Variants in FRMPD4 observed in about 807,000 individuals in gnomAD.
FRMPD4 encodes FERM and PDZ domain containing 4.
FRMPD4 carries 22 observed loss-of-function variants against 94.1 expected under a neutral mutation model. The observed-to-expected ratio is 0.23, with a 90% CI of 0.17 to 0.33. The LOEUF (loss-of-function observed/expected upper bound fraction) is 0.33, where lower values mean the gene tolerates loss of function less well. FRMPD4 is among the 10% of genes least tolerant of loss of function. FRMPD4 has a pLI of 1.00. For missense variants in FRMPD4, 1,111 were observed against 1,339.9 expected, an observed-to-expected ratio of 0.83 and a Z score of 2.67; for synonymous variants, 631 against 548.6, an observed-to-expected ratio of 1.15 and a Z score of -2.10.
intron 3 of FRMPD4, among the ~76,000 whole-genome samples, chrX:11,899,981 C>A (rs936984683): frequency 3.6e-5 from 4 of 111,861 alleles, no homozygotes; most frequent in African/African-American, 6.5e-5. Context: ...CACAGTTGAC[C>A]TTTTTTCCAC....
chrX:12,462,574 A>G (rs752678631), intron 1 of FRMPD4, among the ~76,000 whole-genome samples: 1 of 112,155 alleles, frequency 8.9e-6, no homozygotes, highest in East Asian at 2.8e-4. Context: ...CCCACTTTCC[A>G]TATTCCCATC....
At chrX:12,071,635 T>TA (rs1159317436) in intron 3 of FRMPD4, among the ~76,000 whole-genome samples, 1 of 111,643 alleles carries the variant, frequency 9.0e-6, no homozygotes, top group Non-Finnish European at 1.9e-5. Flanking sequence ...CCAAGACTCT[T>TA]ACACTAATGC....
intron 3 of FRMPD4, among the ~76,000 whole-genome samples, chrX:12,109,696 G>A (rs1458226897): frequency 9.0e-6 from 1 of 111,268 alleles, no homozygotes. Context: ...TAAGAAAAGA[G>A]GGGAGAATCA....
At chrX:12,350,838 G>C (rs1162240175) in intron 1 of FRMPD4, among the ~76,000 whole-genome samples, 1 of 112,356 alleles carries the variant, frequency 8.9e-6, no homozygotes, top group Non-Finnish European at 1.9e-5. Flanking sequence ...GTAGAGGATG[G>C]CAAGAAATAA....
At chrX:12,544,496 G>A (rs61522124) in intron 2 of FRMPD4, among the ~76,000 whole-genome samples, 5,244 of 111,481 alleles carry the variant, frequency 0.047, 343 homozygotes, top group African/African-American at 0.16. Context: ...GGTTATTTCT[G>A]TTCTCATTTT....
chrX:12,091,775 A>G (rs1388059579), intron 3 of FRMPD4, among the ~76,000 whole-genome samples: 1 of 111,736 alleles, frequency 8.9e-6, no homozygotes, highest in Non-Finnish European at 1.9e-5. Flanking sequence ...TATGCAGGGT[A>G]TCCCCACAGT....
At position 12,102,301 on chromosome X, in the gene FRMPD4, A is replaced by G. The variant is rs765413210; in HGVS notation, c.95+224283A>G. Among the ~76,000 whole-genome samples, 3 of 112,104 alleles carry G rather than the reference A, an allele frequency of 2.7e-5. No individual in the cohort carries two copies. The South Asian group carries it at 1.1e-3, about 42-fold the overall frequency. Reference sequence around the variant, plus strand: ...GTAAATGCATAAGCTTATGTATGTCATTATAAGACATACCAGAATACAATC... The same window carrying G: ...GTAAATGCATAAGCTTATGTATGTCGTTATAAGACATACCAGAATACAATC... On this transcript the variant is annotated intron_variant, in intron 3 of 18. Coordinates refer to the FRMPD4 transcript ENST00000640291.
At chrX:12,603,348 A>G (rs1188731697) in intron 2 of FRMPD4, among the ~76,000 whole-genome samples, 2 of 111,992 alleles carry the variant, frequency 1.8e-5, no homozygotes, top group Non-Finnish European at 3.8e-5. Flanking sequence ...TAATGAGTGC[A>G]TCAAAAACTG....
intron 4 of FRMPD4, among the ~76,000 whole-genome samples, chrX:12,616,771 G>C (rs1207301072): frequency 8.9e-6 from 1 of 112,497 alleles, no homozygotes; most frequent in Non-Finnish European, 1.9e-5. Flanking sequence ...CAGGCTCTGA[G>C]CCTTCTATCG....
intron 1 of FRMPD4, among the ~76,000 whole-genome samples, chrX:11,848,200 A>G (rs945742968): frequency 1.0e-4 from 11 of 109,952 alleles, no homozygotes; most frequent in African/African-American, 3.6e-4. Context: ...GTGTTTGCTG[A>G]TTGTTCTCTT....
chrX:12,417,259 A>T (rs2056815093), intron 1 of FRMPD4, among the ~76,000 whole-genome samples: 1 of 111,598 alleles, frequency 9.0e-6, no homozygotes, highest in Non-Finnish European at 1.9e-5. Flanking sequence ...ATATTAACCA[A>T]GGAAGCACAC....
intron 1 of FRMPD4, among the ~76,000 whole-genome samples, chrX:12,481,958 A>G (rs1247558923): frequency 1.0e-5 from 1 of 98,448 alleles, no homozygotes; most frequent in Non-Finnish European, 2.1e-5. Context: ...AAAAAAAAAA[A>G]AAAAAAAAAA....
intron 4 of FRMPD4, among the ~76,000 whole-genome samples, chrX:12,670,973 C>G (rs1439972202): frequency 1.8e-5 from 2 of 112,295 alleles, no homozygotes; most frequent in Admixed American, 9.4e-5. Context: ...ATGCGGCCAA[C>G]AAACATGACA....
rs186889877 is a variant in FRMPD4 at position 12,033,554 on chromosome X, A to G, written c.95+155536A>G. Among the ~76,000 whole-genome samples the G allele has an allele frequency of 5.2e-3, 582 of 111,579 alleles. 12 individuals are homozygous for G. The highest frequency in any genetic ancestry group is 0.044 in the Admixed American group (458 of 10,517). Reference sequence around the variant, plus strand: ...CAAATTAATATGTGCTAGAGAGGCAATTAATGTGGACTATTACGGGATAAA... The same window carrying G: ...CAAATTAATATGTGCTAGAGAGGCAGTTAATGTGGACTATTACGGGATAAA... On this transcript the variant is annotated intron_variant, in intron 3 of 18. Transcript: ENST00000640291.
chrX:12,140,118 T>G lies in FRMPD4; in HGVS notation c.41+1106T>G, dbSNP rs762150812. Among the ~76,000 whole-genome samples, 6 of 112,270 alleles carry G rather than the reference T, an allele frequency of 5.3e-5. No homozygotes were observed. In the East Asian group the frequency reaches 1.7e-3, roughly 31 times the overall value. On this transcript the variant is annotated intron_variant, in intron 1 of 16. Coordinates refer to ENST00000675598, the MANE Select transcript of FRMPD4 (RefSeq NM_001368397.1). ...ACATTAGACCACTTCAGAAAGGTTC[T>G]GTTTGGATGTTGCCATTCTCTCCGA...
intron 4 of FRMPD4, among the ~76,000 whole-genome samples, chrX:12,645,037 A>G (rs763957047): frequency 8.9e-6 from 1 of 111,776 alleles, no homozygotes; most frequent in East Asian, 2.8e-4. Flanking sequence ...CAAAGAGACC[A>G]TTAAGGTCTC....
chrX:12,535,334 G>A (rs1476719062), intron 2 of FRMPD4, among the ~76,000 whole-genome samples: 1 of 111,646 alleles, frequency 9.0e-6, no homozygotes, highest in African/African-American at 3.3e-5. Context: ...TCAGCAGCGT[G>A]AAAATGGACT....
intron 4 of FRMPD4, 73 bp downstream of exon 4, chrX:12,614,954 G>A (rs1008261376): frequency 1.8e-5 from 9 of 510,823 alleles, no homozygotes; most frequent in Admixed American, 3.2e-5. Flanking sequence ...TCAATTAGCA[G>A]AGGAAGAGCC....
chrX:11,887,343 C>T (rs919311031), intron 3 of FRMPD4, among the ~76,000 whole-genome samples: 1 of 111,398 alleles, frequency 9.0e-6, no homozygotes, highest in East Asian at 2.8e-4. Flanking sequence ...TTCTGAGACA[C>T]GGCTAATCAC....
Sources: allele counts gnomAD v4.1 joint callset (sites outside exome capture counted in the v4.1 genomes callset), GRCh38; gene constraint gnomAD v4.1.1; transcripts MANE v1.5; gene names NCBI Gene and HGNC (gene_info 2026-07-23, HGNC 2026-07-21).